The following ZFP2 variants were observed in gnomAD, a reference collection of about 807,000 sequenced individuals.
The protein encoded by ZFP2 is ZFP2 zinc finger protein, also known as zinc finger protein ZFP2.
In ZFP2, 33 loss-of-function variants were observed where a neutral mutation model predicts 36.1. The observed-to-expected ratio is 0.92, with a 90% CI of 0.69 to 1.22. ZFP2 has a LOEUF of 1.22. Among genes scored for constraint, ZFP2 ranks in the 50% most tolerant of loss-of-function variants. ZFP2 has a pLI of 0.00. For synonymous variants in ZFP2, 170 were observed against 178.0 expected (o/e 0.96, Z 0.36); for missense variants, 522 against 551.4 (o/e 0.95, Z 0.53).
chr5:178,915,514 G>T (rs542848238), intron 3 of ZFP2, among the ~76,000 whole-genome samples: 1 of 151,724 alleles, frequency 6.6e-6, no homozygotes, highest in East Asian at 2.0e-4. Context: ...GGGTTTCACT[G>T]TGTTGTCCAG....
intron 4 of ZFP2, among the ~76,000 whole-genome samples, chr5:178,921,070 A>G (rs549050503): frequency 1.3e-5 from 2 of 152,296 alleles, no homozygotes; most frequent in East Asian, 3.9e-4. Flanking sequence ...GAGACTTCAC[A>G]TTGTTGCTTG....
chr5:178,920,274 A>G (rs555116607), intron 4 of ZFP2, among the ~76,000 whole-genome samples: 73 of 151,284 alleles, frequency 4.8e-4, no homozygotes, highest in Middle Eastern at 6.8e-3. Context: ...TCCTTTTTTC[A>G]CCCTTCTGCT....
At chr5:178,922,801 C>A in intron 4 of ZFP2, 4 of 1,379,464 alleles carry the variant, frequency 2.9e-6, no homozygotes, top group Middle Eastern at 2.6e-4. Context: ...CCAAGCAGTT[C>A]CATTTACAGC....
At chr5:178,914,222 A>C (rs1444331589) in intron 3 of ZFP2, among the ~76,000 whole-genome samples, 1 of 152,198 alleles carries the variant, frequency 6.6e-6, no homozygotes, top group African/African-American at 2.4e-5. Flanking sequence ...TCTAGATAAT[A>C]TAAAGCTATC....
chr5:178,913,360 C>T (rs1758342267), intron 3 of ZFP2, among the ~76,000 whole-genome samples: 1 of 152,214 alleles, frequency 6.6e-6, no homozygotes, highest in Non-Finnish European at 1.5e-5. Context: ...CTTCTGTCTT[C>T]CTCTGCATTC....
chr5:178,930,736 GA>G (rs1758810701), intron 4 of ZFP2, among the ~76,000 whole-genome samples: 1 of 152,196 alleles, frequency 6.6e-6, no homozygotes, highest in Non-Finnish European at 1.5e-5. Context: ...GTCTGACTTT[GA>G]GTCAGCAATC....
In ZFP2 at chr5:178,899,413, T is replaced by C. The variant is rs78582589; in HGVS notation, c.-450+3439T>C. 2.4e-4 allele frequency among the ~76,000 whole-genome samples: 37 copies of C among 152,302 alleles called. 1 individual carries two copies. In the East Asian group the frequency reaches 5.2e-3, roughly 21 times the overall value. ...CATGGCTCCTGGAATGTTGAAGTTATTCAGTAAGTTGTAGGCATTCTTAGT... is the reference window on the plus strand; with the variant it reads ...CATGGCTCCTGGAATGTTGAAGTTACTCAGTAAGTTGTAGGCATTCTTAGT... On this transcript the variant is annotated intron_variant, in intron 1 of 4. Coordinates refer to ENST00000361362, the MANE Select transcript of ZFP2 (RefSeq NM_030613.4).
chr5:178,909,901 C>A (rs1758253920), intron 1 of ZFP2: 3 of 1,531,654 alleles, frequency 2.0e-6, no homozygotes, highest in Admixed American at 1.7e-5. Context: ...TTCCAAGAGT[C>A]CCGGGAGATG....
intron 1 of ZFP2, among the ~76,000 whole-genome samples, chr5:178,901,996 G>C (rs563435320): frequency 9.9e-5 from 15 of 152,006 alleles, no homozygotes; most frequent in Non-Finnish European, 7.4e-5. Flanking sequence ...TGAACCGGGC[G>C]TGGTGGCACA....
intron 2 of ZFP2, 111 bp from the exon 3 acceptor site, chr5:178,912,871 C>T (rs916721138): frequency 1.1e-6 from 1 of 871,096 alleles, no homozygotes; most frequent in African/African-American, 1.8e-5. Flanking sequence ...ACTTCATAAG[C>T]CACACCTTCC....
chr5:178,915,488 C>T (rs146958488), intron 3 of ZFP2, among the ~76,000 whole-genome samples: 99 of 151,630 alleles, frequency 6.5e-4, no homozygotes, highest in Admixed American at 1.5e-3. Context: ...TAATTTTTTG[C>T]ATTTTAGTAG....
chr5:178,902,292 T>C (rs1758074737), intron 1 of ZFP2, among the ~76,000 whole-genome samples: 1 of 152,228 alleles, frequency 6.6e-6, no homozygotes. Context: ...AGTGTCCGTG[T>C]GTGCTTTCTA....
At chr5:178,908,314 G>A (rs1197369005) in intron 1 of ZFP2, among the ~76,000 whole-genome samples, 1 of 151,944 alleles carries the variant, frequency 6.6e-6, no homozygotes, top group Non-Finnish European at 1.5e-5. Flanking sequence ...TGGTGTGGTG[G>A]TGGTTGCCTG....
intron 4 of ZFP2, among the ~76,000 whole-genome samples, chr5:178,927,414 T>G (rs991724503): frequency 6.6e-6 from 1 of 152,128 alleles, no homozygotes; most frequent in East Asian, 1.9e-4. Context: ...TCTCAAAGGG[T>G]AGTTTACATA....
chr5:178,914,174 A>AT (rs961736484), intron 3 of ZFP2, among the ~76,000 whole-genome samples: 7 of 151,764 alleles, frequency 4.6e-5, no homozygotes, highest in East Asian at 1.9e-4. Flanking sequence ...TTCTTTGTAT[A>AT]TTTTTTTTAA....
chr5:178,928,369 A>G (rs1758740114), intron 4 of ZFP2, among the ~76,000 whole-genome samples: 1 of 152,032 alleles, frequency 6.6e-6, no homozygotes, highest in Non-Finnish European at 1.5e-5. Flanking sequence ...AGTCCCTTCT[A>G]CCTATGAGCC....
chr5:178,910,471 G>T (rs1758270967), intron 1 of ZFP2: 2 of 682,222 alleles, frequency 2.9e-6, no homozygotes, highest in Admixed American at 3.7e-5. Flanking sequence ...TACTTGGCAT[G>T]CCACAGGGTG....
rs947912450 is a variant in ZFP2, at chr5:178,928,704, C to T, written c.-77-2533C>T. On this transcript the variant is annotated intron_variant, in intron 4 of 4. Transcript: ENST00000361362. ...TGAATGTCTCTGGCTTTTCCACATG[C>T]AGGGTGCAAACTGCCAGTGCATCTT... is the stretch of plus-strand genomic sequence containing the variant. Among the ~76,000 whole-genome samples the T allele has an allele frequency of 4.6e-5, 7 of 152,312 alleles. No homozygotes were observed. In the South Asian group the frequency reaches 8.3e-4, roughly 18 times the overall value.
chr5:178,910,363 A>T, intron 1 of ZFP2: 1 of 1,044,998 alleles, frequency 9.6e-7, no homozygotes, highest in Non-Finnish European at 1.5e-6. Context: ...TGCAAGGAAG[A>T]CTCCTCGGCA....
Sources: gnomAD v4.1 joint callset for allele counts (sites outside exome capture counted in the v4.1 genomes callset) on GRCh38, gnomAD v4.1.1 for gene constraint, MANE v1.5 for transcripts, NCBI Gene and HGNC (gene_info 2026-07-23, HGNC 2026-07-21) for gene names.